COL24A1: variants seen among roughly 807,000 people sequenced by gnomAD.
The protein encoded by COL24A1 is collagen type XXIV alpha 1 chain, also known as collagen alpha-1(XXIV) chain.
Under a neutral mutation model 253.9 loss-of-function variants are expected in COL24A1, and 224 were observed. The ratio of observed to expected loss-of-function variants is 0.88; its 90% confidence interval spans 0.79 to 0.99. COL24A1 has a LOEUF of 0.99. COL24A1 is among the 50% of genes least tolerant of loss of function. The pLI, the probability that COL24A1 is intolerant of heterozygous loss-of-function variation, is 0.00. For synonymous variants in COL24A1, 685 were observed against 673.7 expected (o/e 1.02, Z -0.26); for missense variants, 2,131 against 2,068.5 (o/e 1.03, Z -0.59).
At chr1:86,025,760 T>A (rs969999659) in intron 14 of COL24A1, among the ~76,000 whole-genome samples, 1 of 152,188 alleles carries the variant, frequency 6.6e-6, no homozygotes, top group Admixed American at 6.5e-5. Flanking sequence ...CCTTACTTCC[T>A]ATGCTACAAT....
At chr1:86,154,458 T>A (rs776157034) in intron 1 of COL24A1, 2 of 152,650 alleles carry the variant, frequency 1.3e-5, no homozygotes, top group Non-Finnish European at 2.9e-5. Context: ...AACCTGCTAC[T>A]TATCCCCATG....
At chr1:85,881,471 A>AC (rs1339912216) in intron 32 of COL24A1, among the ~76,000 whole-genome samples, 1 of 151,842 alleles carries the variant, frequency 6.6e-6, no homozygotes, top group Non-Finnish European at 1.5e-5. Context: ...ACAAAAAAAA[A>AC]AAAATTAGCC....
intron 24 of COL24A1, among the ~76,000 whole-genome samples, chr1:85,929,792 C>T (rs942698439): frequency 5.3e-5 from 8 of 151,084 alleles, no homozygotes; most frequent in Non-Finnish European, 1.0e-4. Flanking sequence ...GTCAAAGCCG[C>T]TCAACTACAT....
intron 14 of COL24A1, among the ~76,000 whole-genome samples, chr1:86,028,621 G>A (rs959313068): frequency 1.3e-5 from 2 of 152,162 alleles, no homozygotes; most frequent in Non-Finnish European, 2.9e-5. Flanking sequence ...TATAAATTAC[G>A]CAGTCTCAGG....
At chr1:85,935,071 A>G (rs766274424) in intron 24 of COL24A1, among the ~76,000 whole-genome samples, 2 of 152,166 alleles carry the variant, frequency 1.3e-5, no homozygotes, top group Non-Finnish European at 2.9e-5. Flanking sequence ...AATGGTCTAT[A>G]AAAACTTTAA....
intron 19 of COL24A1, among the ~76,000 whole-genome samples, chr1:86,012,184 G>A (rs564358399): frequency 2.0e-5 from 3 of 152,238 alleles, no homozygotes; most frequent in Non-Finnish European, 2.9e-5. Context: ...GTGATGCCCA[G>A]TAAAGGTTAA....
intron 24 of COL24A1, among the ~76,000 whole-genome samples, chr1:85,936,813 G>T (rs1176463177): frequency 1.4e-5 from 2 of 147,516 alleles, no homozygotes; most frequent in African/African-American, 5.0e-5. Context: ...TTGTATCAAG[G>T]CTCTGCCACC....
At chr1:85,810,069 G>T (rs888084462) in intron 47 of COL24A1, among the ~76,000 whole-genome samples, 2 of 112,476 alleles carry the variant, frequency 1.8e-5, no homozygotes, top group Admixed American at 9.0e-5. Context: ...CCAAGAACTG[G>T]CTATGACCCC....
intron 12 of COL24A1, 106 bp downstream of exon 12, chr1:86,046,718 TA>T: frequency 6.1e-6 from 8 of 1,317,220 alleles, no homozygotes; most frequent in Non-Finnish European, 7.5e-6. Flanking sequence ...GGAATGATTA[TA>T]AACAACAACA....
At chr1:85,987,015 G>A (rs1693775441) in intron 20 of COL24A1, among the ~76,000 whole-genome samples, 1 of 151,852 alleles carries the variant, frequency 6.6e-6, no homozygotes, top group Non-Finnish European at 1.5e-5. Flanking sequence ...ATATACCATA[G>A]TGTTAAATAA....
chr1:85,775,939 C>A (rs996915895), intron 52 of COL24A1, among the ~76,000 whole-genome samples: 1 of 152,126 alleles, frequency 6.6e-6, no homozygotes, highest in African/African-American at 2.4e-5. Flanking sequence ...CTAGTTCTAA[C>A]CTTAAGGTGA....
intron 19 of COL24A1, among the ~76,000 whole-genome samples, chr1:86,012,211 G>A (rs1233582977): frequency 1.3e-5 from 2 of 152,264 alleles, no homozygotes; most frequent in Non-Finnish European, 2.9e-5. Context: ...ACTTTCTATA[G>A]CTGGCAGTTT....
At position 86,128,681 on chromosome 1, in the gene COL24A1, G is replaced by T. The variant is rs1648695366; in HGVS notation, c.122-2467C>A. On this transcript the variant is annotated intron_variant, in intron 2 of 59. Coordinates refer to ENST00000370571, the MANE Select transcript of COL24A1 (RefSeq NM_152890.7). The stretch of plus-strand genomic sequence containing the variant: ...GTGTGTTTTCAATGTTTCTTTATAT[G>T]TATATTAATATGCTTCCTCCAATTC... Among the ~76,000 whole-genome samples, 3 of 151,862 alleles carry T rather than the reference G, an allele frequency of 2.0e-5. No homozygotes were observed. In the South Asian group the frequency reaches 6.2e-4, roughly 31 times the overall value.
chr1:86,056,602 T>C (rs919144081), intron 10 of COL24A1, among the ~76,000 whole-genome samples: 1 of 152,184 alleles, frequency 6.6e-6, no homozygotes, highest in Non-Finnish European at 1.5e-5. Flanking sequence ...ACTCCTGTAA[T>C]CCCAGCACTT....
At chr1:85,818,193 A>T in intron 45 of COL24A1, 106 bp from the exon 46 acceptor site, 3 of 794,346 alleles carry the variant, frequency 3.8e-6, no homozygotes, top group East Asian at 2.5e-5. Flanking sequence ...AACTAGCACG[A>T]ACTAGTTGTA....
chr1:85,972,686 G>C (rs1218092714), intron 20 of COL24A1, among the ~76,000 whole-genome samples: 1 of 150,824 alleles, frequency 6.6e-6, no homozygotes, highest in Non-Finnish European at 1.5e-5. Flanking sequence ...CTGTAACTGT[G>C]AACATGTGAC....
intron 37 of COL24A1, among the ~76,000 whole-genome samples, chr1:85,855,576 G>A (rs1227348244): frequency 6.6e-6 from 1 of 152,120 alleles, no homozygotes; most frequent in African/African-American, 2.4e-5. Context: ...TGATCATGAT[G>A]GATTAGCTTT....
intron 1 of COL24A1, among the ~76,000 whole-genome samples, chr1:86,150,150 G>A (rs779780554): frequency 6.6e-6 from 1 of 152,066 alleles, no homozygotes; most frequent in Admixed American, 6.6e-5. Context: ...CCATTCTTAA[G>A]TACACCCAAA....
intron 24 of COL24A1, among the ~76,000 whole-genome samples, chr1:85,957,113 TCTCACA>T (rs770212164): frequency 6.6e-6 from 1 of 152,164 alleles, no homozygotes; most frequent in Non-Finnish European, 1.5e-5. Flanking sequence ...CACTGCATGT[TCTCACA>T]CATAAGTGGG....
Sources: allele counts gnomAD v4.1 joint callset (sites outside exome capture counted in the v4.1 genomes callset), GRCh38; gene constraint gnomAD v4.1.1; transcripts MANE v1.5; gene names NCBI Gene and HGNC (gene_info 2026-07-23, HGNC 2026-07-21).